Variants in DLGAP1 observed in about 807,000 individuals in gnomAD.
The protein encoded by DLGAP1 is disks large-associated protein 1.
In DLGAP1, 11 loss-of-function variants were observed where a neutral mutation model predicts 90.8. The observed-to-expected ratio is 0.12, with a 90% CI of 0.08 to 0.20. The LOEUF is 0.20. Among genes scored for constraint, DLGAP1 ranks in the 10% least tolerant of loss-of-function variants. DLGAP1 has a pLI of 1.00. For missense variants in DLGAP1, 1,050 were observed against 1,333.8 expected (o/e 0.79, Z 3.31); for synonymous variants, 558 against 540.7 (o/e 1.03, Z -0.44).
At chr18:4,174,600 T>G (rs2077076061) in intron 1 of DLGAP1, among the ~76,000 whole-genome samples, 1 of 152,194 alleles carries the variant, frequency 6.6e-6, no homozygotes, top group Non-Finnish European at 1.5e-5. Flanking sequence ...CCCAAAGTGC[T>G]GGGATTACAG....
At chr18:3,891,042 C>T (rs2071445718) in intron 3 of DLGAP1, among the ~76,000 whole-genome samples, 1 of 152,226 alleles carries the variant, frequency 6.6e-6, no homozygotes, top group African/African-American at 2.4e-5. Flanking sequence ...TTATTACATG[C>T]AGTGCACTGG....
At chr18:4,072,474 CT>C (rs10578079) in intron 2 of DLGAP1, among the ~76,000 whole-genome samples, 94,508 of 143,988 alleles carry the variant, frequency 0.66, 30,808 homozygotes, top group Non-Finnish European at 0.72. Context: ...ACATCATTAT[CT>C]TTTTTTTTTT....
chr18:4,056,019 G>A (rs1019438085), intron 2 of DLGAP1, among the ~76,000 whole-genome samples: 1 of 152,056 alleles, frequency 6.6e-6, no homozygotes, highest in African/African-American at 2.4e-5. Flanking sequence ...TGCGGGGAAG[G>A]GGAAAAATAG....
intron 1 of DLGAP1, among the ~76,000 whole-genome samples, chr18:4,419,730 T>C (rs2082986254): frequency 6.6e-6 from 1 of 152,110 alleles, no homozygotes; most frequent in Non-Finnish European, 1.5e-5. Flanking sequence ...CTCTACTTGA[T>C]ATTTATTGCA....
chr18:4,286,206 T>C (rs1382029706), intron 1 of DLGAP1, among the ~76,000 whole-genome samples: 1 of 152,058 alleles, frequency 6.6e-6, no homozygotes, highest in Non-Finnish European at 1.5e-5. Flanking sequence ...CAGTATTATA[T>C]GGTAGAGGAG....
At chr18:4,175,554 T>C (rs2077093292) in intron 1 of DLGAP1, among the ~76,000 whole-genome samples, 1 of 152,334 alleles carries the variant, frequency 6.6e-6, no homozygotes, top group Middle Eastern at 3.4e-3. Flanking sequence ...GTTTTTGCTA[T>C]TACATTTAAG....
chr18:4,423,548 A>C (rs2083087049), intron 1 of DLGAP1, among the ~76,000 whole-genome samples: 1 of 142,562 alleles, frequency 7.0e-6, no homozygotes, highest in South Asian at 2.1e-4. Flanking sequence ...TGTTAGAATT[A>C]TAAATAATCT....
rs541026788 is a variant in DLGAP1 at position 4,442,610 on chromosome 18, T to C, written c.-267+12396A>G. ...CTATTAAAACAGAAAGGACAAAGAA[T>C]GAGAAAGTGGTAAAAGTAGCTTCAC... is the stretch of plus-strand genomic sequence containing the variant. On this transcript the variant is annotated intron_variant, in intron 1 of 12. Coordinates refer to ENST00000315677, the MANE Select transcript of DLGAP1 (RefSeq NM_004746.4). Among the ~76,000 whole-genome samples, 10 of 152,160 alleles carry C rather than the reference T, an allele frequency of 6.6e-5. No individual in the cohort carries two copies. In the South Asian group the frequency reaches 2.1e-3, roughly 32 times the overall value.
At chr18:4,228,299 C>T (rs909858681) in intron 1 of DLGAP1, among the ~76,000 whole-genome samples, 9 of 151,896 alleles carry the variant, frequency 5.9e-5, no homozygotes, top group Non-Finnish European at 1.3e-4. Context: ...TCAAACTGTT[C>T]TAAAAAACAG....
chr18:3,640,131 G>C (rs2058885905), intron 7 of DLGAP1, among the ~76,000 whole-genome samples: 1 of 152,022 alleles, frequency 6.6e-6, no homozygotes, highest in Non-Finnish European at 1.5e-5. Context: ...ACAGCTCGTA[G>C]GATAGTAGTG....
intron 2 of DLGAP1, chr18:4,013,703 T>C (rs376022034): frequency 6.6e-6 from 1 of 152,314 alleles, no homozygotes; most frequent in East Asian, 1.9e-4. Context: ...ATAGGATGCT[T>C]CTAACAATCG....
rs2063555318 is a variant in DLGAP1 at position 3,752,702 on chromosome 18, G to T, written c.1173-10190C>A. 2.0e-5 allele frequency among the ~76,000 whole-genome samples: 3 copies of T among 147,902 alleles called. No homozygotes were observed. In the South Asian group the frequency reaches 6.6e-4, roughly 32 times the overall value. Reference sequence around the variant, plus strand: ...CTGCTGCCCAGGCTGGAGTGCAGTGGCATGATCACAGCTCACTGCAGCTTC... The same window carrying T: ...CTGCTGCCCAGGCTGGAGTGCAGTGTCATGATCACAGCTCACTGCAGCTTC... On this transcript the variant is annotated intron_variant, in intron 5 of 12. Transcript: ENST00000315677.
At chr18:4,211,663 C>T (rs1316727653) in intron 1 of DLGAP1, among the ~76,000 whole-genome samples, 1 of 152,062 alleles carries the variant, frequency 6.6e-6, no homozygotes. Context: ...CTGCATTTCA[C>T]CCAGAAAGAT....
At chr18:4,175,237 C>A (rs1290400321) in intron 1 of DLGAP1, among the ~76,000 whole-genome samples, 1 of 152,142 alleles carries the variant, frequency 6.6e-6, no homozygotes, top group East Asian at 1.9e-4. Context: ...AGTGTCTGTT[C>A]ATATCCTTTG....
At chr18:4,064,214 C>A (rs1192414203) in intron 2 of DLGAP1, among the ~76,000 whole-genome samples, 1 of 151,840 alleles carries the variant, frequency 6.6e-6, no homozygotes, top group Admixed American at 6.6e-5. Flanking sequence ...TCTCATATAT[C>A]TTTTACACCC....
At chr18:4,021,199 T>G (rs1020385984) in intron 2 of DLGAP1, among the ~76,000 whole-genome samples, 8 of 152,168 alleles carry the variant, frequency 5.3e-5, no homozygotes, top group African/African-American at 1.9e-4. Flanking sequence ...CTTTCTTTAT[T>G]GCAATTCCCC....
intron 1 of DLGAP1, among the ~76,000 whole-genome samples, chr18:4,309,250 G>A (rs897090498): frequency 6.6e-6 from 1 of 152,176 alleles, no homozygotes; most frequent in Non-Finnish European, 1.5e-5. Context: ...TATCATACAT[G>A]TACTTCAGGC....
chr18:4,273,776 G>A (rs898213803), intron 1 of DLGAP1, among the ~76,000 whole-genome samples: 2 of 152,302 alleles, frequency 1.3e-5, no homozygotes, highest in African/African-American at 2.4e-5. Context: ...GGAGTCCAAC[G>A]TCATCCACTT....
intron 5 of DLGAP1, among the ~76,000 whole-genome samples, chr18:3,790,574 T>C (rs1044207909): frequency 1.3e-5 from 2 of 152,254 alleles, no homozygotes; most frequent in Non-Finnish European, 2.9e-5. Context: ...GGCCAGTCTT[T>C]GTTTCTTTAA....
Sources: gnomAD v4.1 joint callset for allele counts (sites outside exome capture counted in the v4.1 genomes callset) on GRCh38, gnomAD v4.1.1 for gene constraint, MANE v1.5 for transcripts, NCBI Gene and HGNC (gene_info 2026-07-23, HGNC 2026-07-21) for gene names.